Variants in PRKN observed in about 807,000 individuals in gnomAD.
The protein encoded by PRKN is E3 ubiquitin-protein ligase parkin.
In PRKN, 56 loss-of-function variants were observed where a neutral mutation model predicts 59.5. The ratio of observed to expected loss-of-function variants is 0.94; its 90% CI spans 0.76 to 1.18. The LOEUF (loss-of-function observed/expected upper bound fraction) is 1.18. Among genes scored for constraint, PRKN ranks in the 50% most tolerant of loss-of-function variants. The pLI, the probability that PRKN is intolerant of heterozygous loss-of-function variation, is 0.00. For synonymous variants in PRKN, 250 were observed against 222.1 expected (o/e 1.13, Z -1.12); for missense variants, 657 against 596.4 (o/e 1.10, Z -1.06).
intron 1 of PRKN, among the ~76,000 whole-genome samples, chr6:162,488,972 G>T (rs1265535253): frequency 6.6e-6 from 1 of 152,146 alleles, no homozygotes; most frequent in Admixed American, 6.5e-5. Context: ...GGGTCTGTCT[G>T]TGGAGATCCA....
intron 7 of PRKN, among the ~76,000 whole-genome samples, chr6:161,720,124 C>A (rs1787159912): frequency 6.6e-6 from 1 of 152,146 alleles, no homozygotes; most frequent in Admixed American, 6.5e-5. Context: ...ATAATTAAGG[C>A]TAAAGTATAA....
In PRKN at chr6:161,442,479, G is replaced by A. The variant is rs997607628; in HGVS notation, c.1084-55602C>T. 2.0e-5 allele frequency among the ~76,000 whole-genome samples: 3 copies of A among 152,108 alleles called. No individual in the cohort carries two copies. The highest frequency in any genetic ancestry group is 7.2e-5 in the African/African-American group (3 of 41,418). Reference sequence around the variant, plus strand: ...TTACTCAGTATGATTTTAAAATCTCGGGCTTCATCTTTTGGATAATTCACA... The same window carrying A: ...TTACTCAGTATGATTTTAAAATCTCAGGCTTCATCTTTTGGATAATTCACA... On this transcript the variant is annotated intron_variant, in intron 9 of 11. Transcript: ENST00000366898. The surrounding 1 kb of genome is among the most constrained non-coding windows in gnomAD (Gnocchi z 4.6).
chr6:162,286,633 G>A (rs1214497410), intron 2 of PRKN, among the ~76,000 whole-genome samples: 1 of 152,158 alleles, frequency 6.6e-6, no homozygotes, highest in Non-Finnish European at 1.5e-5. Context: ...TGGTTTGGAT[G>A]GTTGCTATGA....
chr6:161,540,301 T>C (rs926006016), intron 9 of PRKN, among the ~76,000 whole-genome samples: 6 of 152,222 alleles, frequency 3.9e-5, no homozygotes, highest in African/African-American at 1.4e-4. Context: ...ATATAAGTTA[T>C]TCTATGAAAT....
rs1778819263 is a variant in PRKN at position 162,538,935 on chromosome 6, T to G, written c.8-95462A>C. On this transcript the variant is annotated intron_variant, in intron 1 of 11. Coordinates refer to ENST00000366898, the MANE Select transcript of PRKN (RefSeq NM_004562.3). ...AGCAATTTTAAAACAGGGCTTGTCC[T>G]GTCAGTCAAATTAGAGAGGCAGGAT... 2.0e-5 allele frequency among the ~76,000 whole-genome samples: 3 copies of G among 152,228 alleles called. No individual in the cohort carries two copies. The South Asian group carries it at 6.2e-4, about 31-fold the overall frequency.
chr6:161,781,229 G>T (rs7745115), intron 7 of PRKN, among the ~76,000 whole-genome samples: 15 of 152,014 alleles, frequency 9.9e-5, no homozygotes, highest in Admixed American at 1.3e-4. Flanking sequence ...AGAGGTGCCA[G>T]GGAATATAAG....
intron 6 of PRKN, among the ~76,000 whole-genome samples, chr6:161,822,296 T>A (rs2128216545): frequency 6.6e-6 from 1 of 152,238 alleles, no homozygotes; most frequent in African/African-American, 2.4e-5. Context: ...AGAAAGTGAT[T>A]TTAAAGGAAA....
At chr6:162,217,652 A>T (rs1777742681) in intron 3 of PRKN, among the ~76,000 whole-genome samples, 1 of 152,160 alleles carries the variant, frequency 6.6e-6, no homozygotes, top group Non-Finnish European at 1.5e-5. Flanking sequence ...TCGCCCTCCC[A>T]AAGTTCTAGG....
chr6:162,297,930 A>C (rs998743638), intron 2 of PRKN, among the ~76,000 whole-genome samples: 1 of 152,154 alleles, frequency 6.6e-6, no homozygotes, highest in South Asian at 2.1e-4. Flanking sequence ...CAGTAGTTAC[A>C]ACAAGCAAAA....
intron 1 of PRKN, among the ~76,000 whole-genome samples, chr6:162,474,854 G>C (rs1791924452): frequency 6.6e-6 from 1 of 152,096 alleles, no homozygotes; most frequent in African/African-American, 2.4e-5. Context: ...GGTATAGGCA[G>C]GCCTGATACC....
rs1785504681 is a variant in PRKN, at chr6:161,373,057, C to T, written c.1168-12852G>A. Among the ~76,000 whole-genome samples, 1 of 152,062 alleles carries T rather than the reference C, an allele frequency of 6.6e-6. No individual in the cohort carries two copies. Among genetic ancestry groups the T allele is most frequent in the Non-Finnish European group, 1.5e-5 (1 of 67,996 alleles). On this transcript the variant is annotated intron_variant, in intron 10 of 11. Transcript: ENST00000366898. This position sits in a 1 kb window ranked among gnomAD's most constrained non-coding sequence, Gnocchi z 4.8. ...AATTCTTAGCTTCAAGTGATCCTCC[C>T]ACCCTGGCCTCCCAAAGTGTGGGGC...
At chr6:162,687,667 C>A (rs1247759897) in intron 1 of PRKN, among the ~76,000 whole-genome samples, 3 of 152,098 alleles carry the variant, frequency 2.0e-5, no homozygotes, top group African/African-American at 7.2e-5. Context: ...TACAAAAATT[C>A]CCCTTCTGAA....
chr6:162,616,820 T>C (rs1377941309), intron 1 of PRKN, among the ~76,000 whole-genome samples: 1 of 152,176 alleles, frequency 6.6e-6, no homozygotes, highest in Non-Finnish European at 1.5e-5. Context: ...AGAAATGCTC[T>C]TTTAAAGTCA....
At chr6:161,516,567 C>T (rs924777571) in intron 9 of PRKN, among the ~76,000 whole-genome samples, 119 of 150,090 alleles carry the variant, frequency 7.9e-4, no homozygotes, top group African/African-American at 2.8e-3. Flanking sequence ...GTGGCTCACG[C>T]CTGCAATCTC....
intron 5 of PRKN, among the ~76,000 whole-genome samples, chr6:162,011,442 TTTATAATATATAATA>T (rs1782696908): frequency 8.9e-5 from 1 of 11,220 alleles, no homozygotes; most frequent in African/African-American, 5.2e-4. Context: ...ATGTTATATA[TTTATAATATATAATA>T]TATATATTAT....
intron 2 of PRKN, among the ~76,000 whole-genome samples, chr6:162,344,404 T>C (rs1003042174): frequency 6.6e-6 from 1 of 152,184 alleles, no homozygotes; most frequent in Non-Finnish European, 1.5e-5. Context: ...TAATTCCTAA[T>C]GTAAATTTAC....
At chr6:162,695,411 T>C (rs372473346) in intron 1 of PRKN, among the ~76,000 whole-genome samples, 2 of 152,152 alleles carry the variant, frequency 1.3e-5, no homozygotes, top group East Asian at 1.9e-4. Context: ...TTTAATATCC[T>C]ATTATTCCTA....
intron 2 of PRKN, among the ~76,000 whole-genome samples, chr6:162,290,296 C>T (rs1781370263): frequency 6.6e-6 from 1 of 152,158 alleles, no homozygotes. Flanking sequence ...ATCTGTTGTA[C>T]TAAGACTTCA....
chr6:162,610,357 T>A (rs921661157), intron 1 of PRKN, among the ~76,000 whole-genome samples: 1 of 152,320 alleles, frequency 6.6e-6, no homozygotes, highest in South Asian at 2.1e-4. Flanking sequence ...CAGGATTTTA[T>A]TTGTAAAAAT....
Sources: gnomAD v4.1 joint callset for allele counts (sites outside exome capture counted in the v4.1 genomes callset) on GRCh38, gnomAD v4.1.1 for gene constraint, Gnocchi (gnomAD v3.1) non-coding constraint, MANE v1.5 for transcripts, NCBI Gene and HGNC (gene_info 2026-07-23, HGNC 2026-07-21) for gene names.